ERC2: variants seen among roughly 807,000 people sequenced by gnomAD.
ERC2 encodes ELKS/RAB6-interacting/CAST family member 2, also known as ERC protein 2.
Under a neutral mutation model 114.8 loss-of-function variants are expected in ERC2, and 42 were observed. That is an observed-to-expected ratio of 0.37 (90% CI 0.29 to 0.47). The LOEUF is 0.47. Among genes scored for constraint, ERC2 ranks in the 20% least tolerant of loss-of-function variants. The pLI is 0.99. For missense variants in ERC2, 939 were observed against 1,150.7 expected (o/e 0.82, Z 2.66); for synonymous variants, 454 against 425.5 (o/e 1.07, Z -0.82).
intron 15 of ERC2, among the ~76,000 whole-genome samples, chr3:55,702,517 A>G (rs182148891): frequency 2.0e-5 from 3 of 151,802 alleles, no homozygotes; most frequent in African/African-American, 7.3e-5. Context: ...TTAATTGTCA[A>G]ATTTAAAATG....
At chr3:56,337,285 T>G (rs1289026774) in intron 2 of ERC2, among the ~76,000 whole-genome samples, 1 of 152,230 alleles carries the variant, frequency 6.6e-6, no homozygotes, top group Non-Finnish European at 1.5e-5. Context: ...ACAGGTCCAC[T>G]GTGCCAAACC....
intron 14 of ERC2, among the ~76,000 whole-genome samples, chr3:55,763,869 A>C (rs1380503544): frequency 6.6e-6 from 1 of 152,200 alleles, no homozygotes; most frequent in Non-Finnish European, 1.5e-5. Context: ...TCCCTATATA[A>C]TAGTACCTAA....
chr3:55,707,218 G>A (rs1296350526), intron 15 of ERC2, among the ~76,000 whole-genome samples: 1 of 152,122 alleles, frequency 6.6e-6, no homozygotes, highest in Non-Finnish European at 1.5e-5. Flanking sequence ...CGGGTGGCTT[G>A]AGCTCGGGAG....
chr3:55,701,815 A>C (rs565411463), intron 15 of ERC2, among the ~76,000 whole-genome samples: 14 of 152,252 alleles, frequency 9.2e-5, no homozygotes, highest in African/African-American at 3.4e-4. Context: ...TTACACCTAA[A>C]ATTCCAGTAT....
intron 2 of ERC2, among the ~76,000 whole-genome samples, chr3:56,424,044 C>T (rs1357857504): frequency 1.3e-5 from 2 of 152,196 alleles, no homozygotes; most frequent in Non-Finnish European, 2.9e-5. Flanking sequence ...TCAGAACCCA[C>T]CCCATCTGCT....
At chr3:55,543,837 C>T (rs904688640) in intron 17 of ERC2, among the ~76,000 whole-genome samples, 14 of 152,136 alleles carry the variant, frequency 9.2e-5, no homozygotes, top group Non-Finnish European at 1.8e-4. Context: ...TCATGGCTGC[C>T]CTGGCCACTC....
intron 6 of ERC2, among the ~76,000 whole-genome samples, chr3:56,129,773 T>G (rs1006297087): frequency 2.0e-5 from 3 of 152,204 alleles, no homozygotes; most frequent in African/African-American, 7.2e-5. Context: ...TCCATTCATT[T>G]TCTTTCAAAG....
chr3:56,191,510 A>G (rs986980085), intron 3 of ERC2, among the ~76,000 whole-genome samples: 1 of 152,182 alleles, frequency 6.6e-6, no homozygotes, highest in African/African-American at 2.4e-5. Context: ...GAGATCCTGC[A>G]ATCAACCTCA....
chr3:55,745,142 T>C (rs563815490), intron 14 of ERC2, among the ~76,000 whole-genome samples: 1 of 152,198 alleles, frequency 6.6e-6, no homozygotes, highest in Non-Finnish European at 1.5e-5. Flanking sequence ...ATCTGCTCCA[T>C]AAACAGACAT....
chr3:56,265,251 C>T (rs2053216243), intron 3 of ERC2, among the ~76,000 whole-genome samples: 1 of 152,108 alleles, frequency 6.6e-6, no homozygotes, highest in Non-Finnish European at 1.5e-5. Context: ...CACATAAAAA[C>T]AGACACACAG....
At chr3:55,836,200 T>G (rs1401117063) in intron 14 of ERC2, among the ~76,000 whole-genome samples, 8 of 152,164 alleles carry the variant, frequency 5.3e-5, no homozygotes, top group African/African-American at 1.4e-4. Flanking sequence ...ATAGATTCAA[T>G]GCCATCCCCA....
intron 15 of ERC2, among the ~76,000 whole-genome samples, chr3:55,728,237 A>G (rs9848797): frequency 0.55 from 83,649 of 152,102 alleles, 23,645 homozygotes; most frequent in South Asian, 0.71. Flanking sequence ...TCATGTTACC[A>G]TATTCTCAGT....
chr3:55,967,201 T>C (rs2068807853), intron 12 of ERC2, among the ~76,000 whole-genome samples: 1 of 152,236 alleles, frequency 6.6e-6, no homozygotes, highest in Non-Finnish European at 1.5e-5. Flanking sequence ...TAACTCTTTA[T>C]TAAATGTAGC....
chr3:56,351,983 A>G (rs1275223207), intron 2 of ERC2, among the ~76,000 whole-genome samples: 1 of 152,198 alleles, frequency 6.6e-6, no homozygotes, highest in African/African-American at 2.4e-5. Context: ...TGGATGTGAC[A>G]TGTGAGTCTT....
chr3:55,728,378 G>T (rs1183414444), intron 15 of ERC2, among the ~76,000 whole-genome samples: 1 of 152,208 alleles, frequency 6.6e-6, no homozygotes, highest in Admixed American at 6.5e-5. Context: ...CAGCTTGGCA[G>T]ATTTGACCCA....
At chr3:56,231,624 A>T (rs1004925544) in intron 3 of ERC2, among the ~76,000 whole-genome samples, 1 of 152,202 alleles carries the variant, frequency 6.6e-6, no homozygotes, top group Non-Finnish European at 1.5e-5. Flanking sequence ...ACTTGAGACA[A>T]TTATACAGAG....
Position 55,548,007 on chromosome 3 carries a change from C to G in ERC2, c.*40-36731G>C, listed in dbSNP as rs939164449. Among the ~76,000 whole-genome samples the G allele has an allele frequency of 2.6e-5, 4 of 152,298 alleles. No homozygotes were observed. In the South Asian group the frequency reaches 8.3e-4, roughly 32 times the overall value. On this transcript the variant is annotated intron_variant, in intron 17 of 17. Transcript: ENST00000288221. ...CTTCTTCAGGCTGTCAGGTCTAGCC[C>G]GGAGTTGAAGATGCCTGATGAGGAT...
At chr3:55,745,505 T>C (rs1371643915) in intron 14 of ERC2, among the ~76,000 whole-genome samples, 2 of 152,188 alleles carry the variant, frequency 1.3e-5, no homozygotes, top group East Asian at 1.9e-4. Context: ...ATACCCTCTG[T>C]TAGTGGTAAT....
At chr3:55,762,011 C>T in intron 14 of ERC2, among the ~76,000 whole-genome samples, 1 of 122,030 alleles carries the variant, frequency 8.2e-6, no homozygotes, top group Non-Finnish European at 1.6e-5. Context: ...GTAGGATGTG[C>T]CTTGCTTTCC....
Sources: gnomAD v4.1 joint callset for allele counts (sites outside exome capture counted in the v4.1 genomes callset) on GRCh38, gnomAD v4.1.1 for gene constraint, MANE v1.5 for transcripts, NCBI Gene and HGNC (gene_info 2026-07-23, HGNC 2026-07-21) for gene names.